The following VDR variants were observed in gnomAD, a reference collection of about 807,000 sequenced individuals.
VDR encodes the protein vitamin D3 receptor.
Under a neutral mutation model 39.7 loss-of-function variants are expected in VDR, and 19 were observed. The ratio of observed to expected loss-of-function variants is 0.48; its 90% confidence interval spans 0.33 to 0.70. VDR has a LOEUF of 0.70. VDR is among the 30% of genes least tolerant of loss of function. VDR has a pLI of 0.02. For synonymous variants in VDR, 242 were observed against 215.8 expected (o/e 1.12, Z -1.07); for missense variants, 442 against 570.5 (o/e 0.77, Z 2.29).
Position 47,844,681 on chromosome 12 carries a change from C to A in VDR, c.*65G>T. ...AGGAGGGCTGCTGAGTAGCCGCCAG[C>A]CCCGGGCCTGGCACGTGGCCCTGGA... On this transcript the variant is annotated 3_prime_UTR_variant, in exon 10 of 10. Transcript: ENST00000549336. 1 of 1,607,564 alleles carries A rather than the reference C, an allele frequency of 6.2e-7. No homozygotes were observed. The highest frequency in any genetic ancestry group is 8.5e-7 in the Non-Finnish European group (1 of 1,177,388).
chr12:47,860,615 T>C lies in VDR; in HGVS notation c.278-2927A>G, dbSNP rs942675226. 3.7e-4 allele frequency among the ~76,000 whole-genome samples: 56 copies of C among 152,352 alleles called. 1 individual carries two copies. Among genetic ancestry groups the C allele is most frequent in the African/African-American group, 1.3e-3 (55 of 41,586 alleles). On this transcript the variant is annotated intron_variant, in intron 4 of 9. Transcript: ENST00000549336. Reference sequence around the variant, plus strand: ...GATTCAGAGGTATCATTCTGAATAATTACTGAACATTGCAGGACAAGGTTA... The same window carrying C: ...GATTCAGAGGTATCATTCTGAATAACTACTGAACATTGCAGGACAAGGTTA...
chr12:47,853,544 G>A (rs1945428296), intron 7 of VDR, among the ~76,000 whole-genome samples: 2 of 152,046 alleles, frequency 1.3e-5, no homozygotes, highest in Non-Finnish European at 2.9e-5. Flanking sequence ...CCTGAGGTCA[G>A]TAGTTCAAGA....
At chr12:47,888,460 A>G (rs1401424263) in intron 1 of VDR, among the ~76,000 whole-genome samples, 1 of 152,198 alleles carries the variant, frequency 6.6e-6, no homozygotes, top group Non-Finnish European at 1.5e-5. Flanking sequence ...GGCCTCAGGC[A>G]GTGGAGCAGG....
intron 2 of VDR, among the ~76,000 whole-genome samples, chr12:47,879,941 A>G (rs969067314): frequency 4.6e-5 from 7 of 152,178 alleles, no homozygotes; most frequent in Non-Finnish European, 1.0e-4. Flanking sequence ...GAAAGCCCAC[A>G]GCTTTGGGAA....
rs944632352 is a variant in VDR, at chr12:47,879,190, C to A, written c.-2-75G>T. The A allele has an allele frequency of 6.2e-4, 950 of 1,539,784 alleles. 6 individuals carry two copies. Among genetic ancestry groups the A allele is most frequent in the Non-Finnish European group, 9.9e-5 (113 of 1,143,208 alleles). On this transcript the variant is annotated intron_variant, in intron 2 of 9. Coordinates refer to ENST00000549336, the MANE Select transcript of VDR (RefSeq NM_000376.3). ...GCCAGCTGGCATCCTTGGTGCCACC[C>A]ACCCCCAGCCTCATCCCACCGCCCC...
intron 4 of VDR, among the ~76,000 whole-genome samples, chr12:47,864,393 T>C (rs566950562): frequency 3.3e-5 from 5 of 152,348 alleles, no homozygotes; most frequent in African/African-American, 4.8e-5. Flanking sequence ...GGAAGTCCTA[T>C]AGAATCACTC....
chr12:47,846,542 C>T, intron 8 of VDR, 91 bp from the exon 9 acceptor site: 3 of 1,563,820 alleles, frequency 1.9e-6, no homozygotes, highest in East Asian at 2.3e-5. Context: ...GCCCTTCTCT[C>T]CCTGTTGGTG....
chr12:47,866,892 G>T (rs184276649), intron 3 of VDR, among the ~76,000 whole-genome samples: 1 of 152,198 alleles, frequency 6.6e-6, no homozygotes, highest in African/African-American at 2.4e-5. Context: ...TGGGGGCTGG[G>T]AGCTGAGGCA....
At chr12:47,869,346 C>G (rs1297726211) in intron 3 of VDR, among the ~76,000 whole-genome samples, 1 of 151,732 alleles carries the variant, frequency 6.6e-6, no homozygotes, top group Non-Finnish European at 1.5e-5. Context: ...ACCATTGTGG[C>G]TAACACGGTG....
chr12:47,865,327 T>C (rs369548608), intron 3 of VDR, 150 bp from the exon 4 acceptor site: 26 of 1,160,032 alleles, frequency 2.2e-5, no homozygotes, highest in East Asian at 2.2e-4. Context: ...CTCTCACCTC[T>C]AGGCTGGGCA....
At chr12:47,896,213 A>C (rs1946462746) in intron 1 of VDR, among the ~76,000 whole-genome samples, 1 of 152,282 alleles carries the variant, frequency 6.6e-6, no homozygotes, top group African/African-American at 2.4e-5. Context: ...GTACCTGCTC[A>C]GTAAACGTTA....
chr12:47,887,627 C>T (rs1946282617), intron 1 of VDR, among the ~76,000 whole-genome samples: 1 of 152,230 alleles, frequency 6.6e-6, no homozygotes, highest in East Asian at 1.9e-4. Context: ...CAGCGTCCAC[C>T]TTTGTGGCCT....
rs371655308 is a variant in VDR at position 47,857,577 on chromosome 12, C to T, written c.389G>A (p.Arg130His). 1.2e-4 allele frequency: 191 copies of T among 1,614,178 alleles called. No homozygotes were observed. The highest frequency in any genetic ancestry group is 1.6e-4 in the Middle Eastern group (1 of 6,062). Residue 130 changes from arginine (R) to histidine (H), a missense_variant, in exon 5 of 10, where the codon CGC becomes CAC. By Grantham distance (29) the Arg-to-His change is conservative (BLOSUM62 0). Around this residue, in one of 5 missense-constraint regions of VDR, gnomAD observed 46 missense variants for 82.0 expected, o/e 0.56. Transcript: ENST00000549336. ...GGCGTCCAGCAGTATGGCAATGATGCGCTGCTGCTCCTCAGACAGCTTGGG... is the reference window on the plus strand; with the variant it reads ...GGCGTCCAGCAGTATGGCAATGATGTGCTGCTGCTCCTCAGACAGCTTGGG... The part of the protein sequence containing the change: ...LRPKLSEEQQ[R>H]IIAILLDAHH...
intron 7 of VDR, among the ~76,000 whole-genome samples, chr12:47,849,992 A>G (rs1352056491): frequency 6.6e-6 from 1 of 152,158 alleles, no homozygotes; most frequent in Non-Finnish European, 1.5e-5. Flanking sequence ...CTGGGACTAC[A>G]GGCATGTGCC....
At chr12:47,855,849 C>T in intron 6 of VDR, 48 bp from the exon 7 acceptor site, 1 of 1,609,960 alleles carries the variant, frequency 6.2e-7, no homozygotes, top group Non-Finnish European at 8.5e-7. Context: ...ATACTTGGAC[C>T]AGGCCCCCTC....
intron 1 of VDR, among the ~76,000 whole-genome samples, chr12:47,903,163 A>G (rs903053691): frequency 6.6e-6 from 1 of 152,056 alleles, no homozygotes; most frequent in Non-Finnish European, 1.5e-5. Flanking sequence ...TTCTTACCCC[A>G]TTTTCTAGTC....
chr12:47,877,329 G>A (rs1295974176), intron 3 of VDR, among the ~76,000 whole-genome samples: 2 of 152,148 alleles, frequency 1.3e-5, no homozygotes, highest in Non-Finnish European at 2.9e-5. Context: ...GGCAGCAGTG[G>A]TGACCCATCA....
At chr12:47,884,386 T>TGA (rs1946216331) in intron 1 of VDR, among the ~76,000 whole-genome samples, 1 of 152,210 alleles carries the variant, frequency 6.6e-6, no homozygotes, top group East Asian at 1.9e-4. Context: ...CAGAGCACTC[T>TGA]GAGTGACTTA....
intron 6 of VDR, among the ~76,000 whole-genome samples, 175 bp from the exon 7 acceptor site, chr12:47,855,976 C>T (rs1026473426): frequency 6.6e-6 from 1 of 152,206 alleles, no homozygotes; most frequent in African/African-American, 2.4e-5. Flanking sequence ...CTCTCTGCCT[C>T]TTTCAGCAGC....
Sources: gnomAD v4.1 joint callset for allele counts (sites outside exome capture counted in the v4.1 genomes callset) on GRCh38, gnomAD v4.1.1 for gene constraint, gnomAD v4.1.1 regional missense constraint, MANE v1.5 for transcripts, NCBI Gene and HGNC (gene_info 2026-07-23, HGNC 2026-07-21) for gene names.